The following EXOSC10 variants were observed in gnomAD, a reference collection of about 807,000 sequenced individuals.
The protein encoded by EXOSC10 is exosome component 10, also known as exosome complex component 10.
EXOSC10 carries 94 observed loss-of-function variants against 126.6 expected under a neutral mutation model. That is an observed-to-expected ratio of 0.74 (90% CI 0.63 to 0.88). The LOEUF is 0.88. Among genes scored for constraint, EXOSC10 ranks in the 40% least tolerant of loss-of-function variants. The pLI is 0.00. For missense variants in EXOSC10, 1,041 were observed against 1,100.5 expected (o/e 0.95, Z 0.77); for synonymous variants, 395 against 400.8 (o/e 0.99, Z 0.17).
intron 9 of EXOSC10, among the ~76,000 whole-genome samples, 159 bp downstream of exon 9, chr1:11,087,289 A>T (rs1640548577): frequency 6.6e-6 from 1 of 152,216 alleles, no homozygotes; most frequent in Non-Finnish European, 1.5e-5. Context: ...TCTAACAGGG[A>T]TTTAGAAACA....
chr1:11,097,720 C>T (rs562438617), intron 2 of EXOSC10, among the ~76,000 whole-genome samples: 10 of 149,860 alleles, frequency 6.7e-5, no homozygotes, highest in Non-Finnish European at 8.8e-5. Flanking sequence ...AGCGAGACTC[C>T]GTCTCAAAAA....
At chr1:11,087,615 G>A in intron 8 of EXOSC10, 24 bp from the exon 9 acceptor site, 2 of 1,611,100 alleles carry the variant, frequency 1.2e-6, no homozygotes, top group Non-Finnish European at 1.7e-6. Context: ...AAGGAGGGGA[G>A]AAGAGGAAAA....
At chr1:11,074,075 G>A (rs1221794602) in intron 18 of EXOSC10, 67 bp from the exon 19 acceptor site, 28 of 1,490,484 alleles carry the variant, frequency 1.9e-5, no homozygotes, top group Admixed American at 8.4e-5. Context: ...GGGCAGAAGC[G>A]CTCAGATGGG....
chr1:11,091,645 G>T, intron 3 of EXOSC10, 48 bp from the exon 4 acceptor site: 1 of 1,431,840 alleles, frequency 7.0e-7, no homozygotes, highest in Non-Finnish European at 9.8e-7. Flanking sequence ...TTTGAGGTTA[G>T]CAGAGTTAAC....
chr1:11,080,383 G>T, intron 13 of EXOSC10, 116 bp downstream of exon 13: 3 of 1,278,198 alleles, frequency 2.3e-6, no homozygotes, highest in Non-Finnish European at 2.2e-6. Context: ...TTCCAAGCTT[G>T]GAGCATTAAT....
intron 14 of EXOSC10, among the ~76,000 whole-genome samples, chr1:11,079,271 G>A (rs1640002225): frequency 6.6e-6 from 1 of 150,890 alleles, no homozygotes; most frequent in Non-Finnish European, 1.5e-5. Context: ...GGAGGTTGCA[G>A]TGAGCCGAGA....
intron 10 of EXOSC10, 127 bp downstream of exon 10, chr1:11,082,561 C>T (rs1640228479): frequency 4.6e-6 from 7 of 1,510,790 alleles, no homozygotes; most frequent in East Asian, 2.3e-5. Context: ...AGATGCCTGG[C>T]GAAAAGCCTG....
chr1:11,091,288 A>G, intron 4 of EXOSC10, 109 bp from the exon 5 acceptor site: 2 of 1,147,312 alleles, frequency 1.7e-6, no homozygotes, highest in Non-Finnish European at 2.5e-6. Flanking sequence ...AAGGTCATTC[A>G]TTCATTTAAG....
chr1:11,085,949 C>T (rs1329704013), intron 9 of EXOSC10, among the ~76,000 whole-genome samples: 3 of 152,080 alleles, frequency 2.0e-5, no homozygotes, highest in Non-Finnish European at 4.4e-5. Context: ...GTTGAACCAG[C>T]CTTGCATCCC....
intron 3 of EXOSC10, 133 bp downstream of exon 3, chr1:11,095,625 A>T (rs1641039569): frequency 1.4e-6 from 1 of 728,634 alleles, no homozygotes. Context: ...GAGGCAGGAG[A>T]GTGTTGTGAA....
rs58667041 is a variant in EXOSC10 at position 11,075,853 on chromosome 1, CAAAAAAAAAA to C, written c.1986+979_1986+988del. Among the ~76,000 whole-genome samples, 106 of 35,140 alleles carry C rather than the reference CAAAAAAAAAA, an allele frequency of 3.0e-3. No homozygotes were observed. In the East Asian group the frequency reaches 0.04, roughly 13 times the overall value. The allele number at this position is 35,140 out of a possible 152,430, so 23.1% of individuals were successfully genotyped here. A position where few individuals can be genotyped will look rare whatever the true frequency, so the allele number is the denominator to read the frequency against. On this transcript the variant is annotated intron_variant, in intron 17 of 24. Transcript: ENST00000376936. ...TGGGTGACAGGATGAGATCCTGTCA[CAAAAAAAAAA>C]AAAAAAAAAAAAAAAAAAAATGCCG...
rs1368536196 is a variant in EXOSC10, at chr1:11,079,720, G to C, written c.1740C>G (p.Pro580=). Residue 580 remains proline (P), a synonymous_variant, in exon 14 of 25, where the codon CCC becomes CCG. Coordinates refer to ENST00000376936, the MANE Select transcript of EXOSC10 (RefSeq NM_001001998.3). ...CAGAAAAGCTTCTTACCTTGAGCAG[G>C]GGCATCTCTCGGGCCTGCTGGATTA... ...HLLIQQAREM[P]LLKSEVAAGV... The C allele has an allele frequency of 2.5e-6, 4 of 1,613,120 alleles. No individual in the cohort carries two copies. In the Admixed American group the frequency reaches 5.0e-5, roughly 20 times the overall value.
chr1:11,072,942 T>G (rs1639592870), intron 19 of EXOSC10: 1 of 152,146 alleles, frequency 6.6e-6, no homozygotes, highest in Non-Finnish European at 1.5e-5. Context: ...ATAATGCTGG[T>G]AAAAACAAGC....
intron 24 of EXOSC10, 103 bp from the exon 25 acceptor site, chr1:11,066,851 G>A (rs577467663): frequency 7.0e-7 from 1 of 1,434,580 alleles, no homozygotes; most frequent in Non-Finnish European, 9.8e-7. Flanking sequence ...AACAGAGGAA[G>A]AATGGTTTGC....
chr1:11,067,078 A>C (rs573274999), intron 24 of EXOSC10, among the ~76,000 whole-genome samples: 3 of 152,154 alleles, frequency 2.0e-5, no homozygotes, highest in Non-Finnish European at 4.4e-5. Context: ...GGGAGGATCA[A>C]TTGAGGCCAG....
chr1:11,091,932 C>A (rs558971806), intron 3 of EXOSC10, among the ~76,000 whole-genome samples: 1 of 152,082 alleles, frequency 6.6e-6, no homozygotes, highest in Admixed American at 6.6e-5. Context: ...TCAAGTGATC[C>A]GCCCACCTGA....
intron 3 of EXOSC10, among the ~76,000 whole-genome samples, chr1:11,095,160 C>G (rs992234317): frequency 6.9e-6 from 1 of 145,812 alleles, no homozygotes; most frequent in Non-Finnish European, 1.5e-5. Flanking sequence ...TGCAGTGAAC[C>G]AACATCGCCC....
At position 11,077,376 on chromosome 1, in the gene EXOSC10, A is replaced by G. The variant is rs1639877924; in HGVS notation, c.1868T>C (p.Ile623Thr). 1.2e-6 allele frequency: 2 copies of G among 1,611,204 alleles called. No individual in the cohort carries two copies. ...SHAPPDGYPI[I>T]PTSGSVPVQK... ...GCTCTCGACTTTACCACTGGTTGGG[A>G]TGATTGGATAGCCATCCGGAGGGGC... The change falls in exon 16 of 25, where the codon ATC becomes ACC. Residue 623 changes from isoleucine to threonine, a missense_variant. This residue lies in a region of EXOSC10 where 388 missense variants were observed against 415.2 expected (regional missense o/e 0.93). Coordinates refer to ENST00000376936, the MANE Select transcript of EXOSC10 (RefSeq NM_001001998.3).
chr1:11,068,210 G>C lies in EXOSC10; in HGVS notation c.2551-126C>G, dbSNP rs559533220. 8 of 731,052 alleles carry C rather than the reference G, an allele frequency of 1.1e-5. No individual in the cohort carries two copies. In the East Asian group the frequency reaches 1.8e-4, roughly 17 times the overall value. 45.3% of individuals were successfully genotyped at this position (731,052 alleles called of 1,614,324 possible). ...AGGAGTGACTTTAGATCCCCTGAGA[G>C]AGGATGTTTCTGTGTCTCTGAAGGC... is the stretch of plus-strand genomic sequence containing the variant. On this transcript the variant is annotated intron_variant, in intron 23 of 24. Coordinates refer to ENST00000376936, the MANE Select transcript of EXOSC10 (RefSeq NM_001001998.3).
Sources: allele counts gnomAD v4.1 joint callset (sites outside exome capture counted in the v4.1 genomes callset), GRCh38; gene constraint gnomAD v4.1.1; regional missense constraint gnomAD v4.1.1; transcripts MANE v1.5; gene names NCBI Gene and HGNC (gene_info 2026-07-23, HGNC 2026-07-21).